The following DENND1B variants were observed in gnomAD, a reference collection of about 807,000 sequenced individuals.
The protein encoded by DENND1B is DENN domain containing 1B.
A neutral mutation model predicts 90.1 loss-of-function variants in DENND1B; 59 were observed. The ratio of observed to expected loss-of-function variants is 0.65; its 90% CI spans 0.53 to 0.81. DENND1B has a LOEUF of 0.81. DENND1B is among the 40% of genes least tolerant of loss of function. DENND1B has a pLI of 0.00. For missense variants in DENND1B, 862 were observed against 912.6 expected, an observed-to-expected ratio of 0.94 and a Z score of 0.71; for synonymous variants, 337 against 324.6, an observed-to-expected ratio of 1.04 and a Z score of -0.41.
intron 18 of DENND1B, among the ~76,000 whole-genome samples, chr1:197,542,917 T>TTTTATTTATTTA (rs56325969): frequency 1.6e-4 from 23 of 148,124 alleles, no homozygotes; most frequent in South Asian, 6.4e-4. Flanking sequence ...TAGAAACCTT[T>TTTTATTTATTTA]TTTATTTATT....
intron 20 of DENND1B, among the ~76,000 whole-genome samples, chr1:197,521,635 T>C (rs1668784516): frequency 6.6e-6 from 1 of 151,946 alleles, no homozygotes; most frequent in African/African-American, 2.4e-5. Context: ...CTGCATGAAA[T>C]AATATGTGAA....
At chr1:197,580,087 CTTTTTTT>C (rs139056668) in intron 15 of DENND1B, among the ~76,000 whole-genome samples, 2 of 76,744 alleles carry the variant, frequency 2.6e-5, no homozygotes, top group African/African-American at 1.0e-4. Flanking sequence ...TTCTTTCTTT[CTTTTTTT>C]TTTTTTTTTT....
At chr1:197,615,306 A>G (rs996401495) in intron 11 of DENND1B, among the ~76,000 whole-genome samples, 1 of 151,132 alleles carries the variant, frequency 6.6e-6, no homozygotes, top group Non-Finnish European at 1.5e-5. Flanking sequence ...TCAACAAAGT[A>G]GCAAGGCTTT....
chr1:197,713,647 G>A (rs1257484431), intron 3 of DENND1B, among the ~76,000 whole-genome samples: 1 of 71,300 alleles, frequency 1.4e-5, no homozygotes, highest in Admixed American at 2.4e-4. Flanking sequence ...TGACACGTTA[G>A]TGGGTGCAGC....
chr1:197,592,295 TAA>T (rs1558281372), intron 14 of DENND1B, among the ~76,000 whole-genome samples: 2 of 151,984 alleles, frequency 1.3e-5, no homozygotes, highest in Non-Finnish European at 2.9e-5. Context: ...CTTTAAAATA[TAA>T]AGAGTAATAT....
At chr1:197,570,571 G>C (rs1175769239) in intron 15 of DENND1B, among the ~76,000 whole-genome samples, 1 of 152,102 alleles carries the variant, frequency 6.6e-6, no homozygotes, top group Admixed American at 6.6e-5. Flanking sequence ...ATGGAATGGT[G>C]ATTTTATTAG....
chr1:197,748,490 C>T (rs1254162724), intron 2 of DENND1B, among the ~76,000 whole-genome samples: 1 of 152,022 alleles, frequency 6.6e-6, no homozygotes, highest in African/African-American at 2.4e-5. Context: ...ATCAGCTGAC[C>T]TTAAAATAGG....
chr1:197,755,812 C>T (rs1654205933), intron 2 of DENND1B, among the ~76,000 whole-genome samples: 2 of 152,098 alleles, frequency 1.3e-5, no homozygotes, highest in South Asian at 4.2e-4. Context: ...AGAGAACTCC[C>T]GTTTTTAAAA....
intron 2 of DENND1B, 81 bp downstream of exon 2, chr1:197,772,787 T>A: frequency 7.8e-7 from 1 of 1,275,902 alleles, no homozygotes; most frequent in Non-Finnish European, 1.1e-6. Flanking sequence ...ATCATGCCAC[T>A]GCACAGCCTG....
chr1:197,680,982 T>C (rs1656629320), intron 3 of DENND1B, among the ~76,000 whole-genome samples: 1 of 152,140 alleles, frequency 6.6e-6, no homozygotes, highest in South Asian at 2.1e-4. Context: ...CAACAACTGT[T>C]AGCTCTTTTA....
chr1:197,679,870 C>T (rs115106593), intron 3 of DENND1B, among the ~76,000 whole-genome samples: 5 of 147,602 alleles, frequency 3.4e-5, no homozygotes, highest in Non-Finnish European at 7.4e-5. Context: ...TATGCCCCAG[C>T]CAGGCATGGT....
At chr1:197,675,962 A>G (rs1403772155) in intron 3 of DENND1B, among the ~76,000 whole-genome samples, 1 of 151,546 alleles carries the variant, frequency 6.6e-6, no homozygotes, top group Admixed American at 6.6e-5. Context: ...TCTGTGAAAC[A>G]GCCTCAGCTC....
intron 2 of DENND1B, among the ~76,000 whole-genome samples, chr1:197,765,189 T>TATC (rs1655552869): frequency 6.6e-6 from 1 of 152,228 alleles, no homozygotes; most frequent in Non-Finnish European, 1.5e-5. Flanking sequence ...GTGACTGACC[T>TATC]ATCACAGAAA....
intron 13 of DENND1B, among the ~76,000 whole-genome samples, chr1:197,604,193 G>C (rs974063170): frequency 6.5e-5 from 9 of 139,426 alleles, no homozygotes; most frequent in Non-Finnish European, 1.3e-4. Flanking sequence ...AATAAAATAT[G>C]TTTTTTTTTC....
intron 20 of DENND1B, among the ~76,000 whole-genome samples, chr1:197,527,378 G>A (rs1482378129): frequency 2.0e-5 from 3 of 151,346 alleles, no homozygotes; most frequent in Non-Finnish European, 4.4e-5. Context: ...TGCCTCCCGG[G>A]TTCAAGTGAT....
At chr1:197,768,223 C>G (rs1463628996) in intron 2 of DENND1B, among the ~76,000 whole-genome samples, 1 of 151,626 alleles carries the variant, frequency 6.6e-6, no homozygotes, top group African/African-American at 2.4e-5. Context: ...TCCTGCTCCT[C>G]CTCCTCCTTC....
chr1:197,707,615 A>C (rs1659696089), intron 3 of DENND1B, among the ~76,000 whole-genome samples: 3 of 146,504 alleles, frequency 2.0e-5, no homozygotes, highest in Non-Finnish European at 1.5e-5. Flanking sequence ...ATATATATAC[A>C]TATATAATAT....
chr1:197,742,110 C>T (rs373566508), intron 2 of DENND1B, among the ~76,000 whole-genome samples: 18 of 152,216 alleles, frequency 1.2e-4, no homozygotes, highest in African/African-American at 4.3e-4. Flanking sequence ...AAGTCTTGGT[C>T]GATACCATCT....
intron 14 of DENND1B, among the ~76,000 whole-genome samples, chr1:197,585,154 C>T (rs1674590015): frequency 6.6e-6 from 1 of 152,166 alleles, no homozygotes; most frequent in Non-Finnish European, 1.5e-5. Flanking sequence ...GTTTTCTAAT[C>T]TCTAGTACTA....
Sources: gnomAD v4.1 joint callset for allele counts (sites outside exome capture counted in the v4.1 genomes callset) on GRCh38, gnomAD v4.1.1 for gene constraint, MANE v1.5 for transcripts, NCBI Gene and HGNC (gene_info 2026-07-23, HGNC 2026-07-21) for gene names.